The following CAMKMT variants were observed in gnomAD, a reference collection of about 807,000 sequenced individuals.
CAMKMT encodes the protein calmodulin-lysine N-methyltransferase.
CAMKMT carries 53 observed loss-of-function variants against 48.0 expected under a neutral mutation model. The ratio of observed to expected loss-of-function variants is 1.10; its 90% CI spans 0.89 to 1.39. CAMKMT has a LOEUF of 1.39. Among genes scored for constraint, CAMKMT ranks in the 40% most tolerant of loss-of-function variants. The pLI is 0.00. For missense variants in CAMKMT, 428 were observed against 402.7 expected (o/e 1.06, Z -0.54); for synonymous variants, 165 against 152.3 (o/e 1.08, Z -0.61).
chr2:44,622,760 A>G (rs138409866), intron 3 of CAMKMT, among the ~76,000 whole-genome samples: 81 of 152,300 alleles, frequency 5.3e-4, no homozygotes, highest in African/African-American at 1.9e-3. Context: ...GTTTGATTCC[A>G]TGTCTTTGCC....
At chr2:44,554,181 A>G (rs970509802) in intron 3 of CAMKMT, among the ~76,000 whole-genome samples, 3 of 152,240 alleles carry the variant, frequency 2.0e-5, no homozygotes, top group African/African-American at 7.2e-5. Context: ...TTCAAAGACA[A>G]CTAAGATAGA....
At chr2:44,428,224 A>G (rs1684407315) in intron 3 of CAMKMT, among the ~76,000 whole-genome samples, 1 of 152,166 alleles carries the variant, frequency 6.6e-6, no homozygotes, top group Non-Finnish European at 1.5e-5. Context: ...GAGTGGTGGA[A>G]GTGGCTCTCA....
At chr2:44,534,220 A>T (rs1056801016) in intron 3 of CAMKMT, among the ~76,000 whole-genome samples, 8 of 152,192 alleles carry the variant, frequency 5.3e-5, no homozygotes, top group African/African-American at 1.9e-4. Flanking sequence ...CCAGATTATA[A>T]AGCAGATATT....
At chr2:44,605,375 G>A (rs533821478) in intron 3 of CAMKMT, among the ~76,000 whole-genome samples, 10 of 151,976 alleles carry the variant, frequency 6.6e-5, no homozygotes, top group Non-Finnish European at 1.0e-4. Context: ...ACTTGGTGGT[G>A]GCATGTCTTT....
At chr2:44,409,426 G>T (rs1005816884) in intron 3 of CAMKMT, among the ~76,000 whole-genome samples, 3 of 151,918 alleles carry the variant, frequency 2.0e-5, no homozygotes, top group African/African-American at 7.3e-5. Context: ...GGTATTGGCT[G>T]GTTTTTTATC....
At chr2:44,507,965 C>T (rs926914065) in intron 3 of CAMKMT, among the ~76,000 whole-genome samples, 3 of 152,216 alleles carry the variant, frequency 2.0e-5, no homozygotes, top group Non-Finnish European at 4.4e-5. Context: ...TGTTCCAGAA[C>T]AGTGTTTCTC....
chr2:44,460,587 A>G (rs929420966), intron 3 of CAMKMT, among the ~76,000 whole-genome samples: 20 of 151,996 alleles, frequency 1.3e-4, no homozygotes, highest in African/African-American at 4.6e-4. Flanking sequence ...TTGAGCACCC[A>G]TTTATTTCAG....
At chr2:44,529,791 G>C (rs901798350) in intron 3 of CAMKMT, among the ~76,000 whole-genome samples, 1 of 152,100 alleles carries the variant, frequency 6.6e-6, no homozygotes, top group Non-Finnish European at 1.5e-5. Context: ...TAACTAAAAG[G>C]TTTCATGTGG....
intron 3 of CAMKMT, among the ~76,000 whole-genome samples, chr2:44,637,514 G>C (rs761444668): frequency 1.3e-5 from 2 of 151,842 alleles, no homozygotes; most frequent in Admixed American, 6.6e-5. Flanking sequence ...TTTACTTCAC[G>C]TCCCTGCCAC....
intron 3 of CAMKMT, among the ~76,000 whole-genome samples, chr2:44,510,098 C>G (rs1355632904): frequency 6.6e-6 from 1 of 152,156 alleles, no homozygotes; most frequent in Non-Finnish European, 1.5e-5. Context: ...GACATTGATA[C>G]TGTTAACTGC....
intron 3 of CAMKMT, among the ~76,000 whole-genome samples, chr2:44,630,915 A>C (rs1042094545): frequency 6.6e-6 from 1 of 152,102 alleles, no homozygotes; most frequent in South Asian, 2.1e-4. Context: ...CCAAAGGACT[A>C]TAAATCATGC....
chr2:44,579,320 A>G (rs1386441773), intron 3 of CAMKMT, among the ~76,000 whole-genome samples: 1 of 152,212 alleles, frequency 6.6e-6, no homozygotes, highest in Admixed American at 6.5e-5. Flanking sequence ...AAAGATGCCA[A>G]CATGGAAGCC....
At chr2:44,382,857 T>A (rs1467501696) in intron 2 of CAMKMT, among the ~76,000 whole-genome samples, 1 of 152,232 alleles carries the variant, frequency 6.6e-6, no homozygotes, top group Non-Finnish European at 1.5e-5. Flanking sequence ...TCTATTTTTA[T>A]GGAAAGGGTA....
At chr2:44,401,278 C>T (rs532275356) in intron 3 of CAMKMT, 11 of 152,124 alleles carry the variant, frequency 7.2e-5, no homozygotes, top group South Asian at 2.1e-4. Context: ...AATACAAAGA[C>T]GGGGCACAGT....
At chr2:44,751,617 C>T (rs781277837) in intron 8 of CAMKMT, among the ~76,000 whole-genome samples, 2 of 152,160 alleles carry the variant, frequency 1.3e-5, no homozygotes, top group African/African-American at 4.8e-5. Context: ...GTATTTAACA[C>T]GTGTCCTTGT....
chr2:44,460,376 G>C (rs1047753959), intron 3 of CAMKMT, among the ~76,000 whole-genome samples: 7 of 152,170 alleles, frequency 4.6e-5, no homozygotes, highest in Admixed American at 3.9e-4. Flanking sequence ...TGGGTAGTAA[G>C]TGTCTTGGGG....
At chr2:44,466,622 A>G (rs1271919112) in intron 3 of CAMKMT, among the ~76,000 whole-genome samples, 1 of 152,190 alleles carries the variant, frequency 6.6e-6, no homozygotes, top group African/African-American at 2.4e-5. Flanking sequence ...AAAAAGAACA[A>G]ACTAATCCCG....
chr2:44,771,862 A>G (rs1380346557), intron 10 of CAMKMT, among the ~76,000 whole-genome samples, 174 bp from the exon 11 acceptor site: 1 of 152,168 alleles, frequency 6.6e-6, no homozygotes, highest in East Asian at 1.9e-4. Context: ...GTTAATGTAT[A>G]GAATTGTCAC....
chr2:44,535,202 T>C (rs185634920), intron 3 of CAMKMT, among the ~76,000 whole-genome samples: 17 of 151,954 alleles, frequency 1.1e-4, no homozygotes, highest in African/African-American at 4.1e-4. Context: ...CAGGAAGAAA[T>C]AGAAAACCTG....
Sources: gnomAD v4.1 joint callset for allele counts (sites outside exome capture counted in the v4.1 genomes callset) on GRCh38, gnomAD v4.1.1 for gene constraint, MANE v1.5 for transcripts, NCBI Gene and HGNC (gene_info 2026-07-23, HGNC 2026-07-21) for gene names.